Variants in NRXN1 observed in about 807,000 individuals in gnomAD.
NRXN1 encodes the protein neurexin 1.
Under a neutral mutation model 150.9 loss-of-function variants are expected in NRXN1, and 39 were observed. The observed-to-expected ratio is 0.26, with a 90% CI of 0.20 to 0.34. The LOEUF is 0.34. Among genes scored for constraint, NRXN1 ranks in the 10% least tolerant of loss-of-function variants. The probability of loss-of-function intolerance (pLI) is 1.00; values close to 1 mark genes in which losing one functional copy is unlikely to be tolerated. For missense variants in NRXN1, 1,815 were observed against 1,949.9 expected (o/e 0.93, Z 1.30); for synonymous variants, 924 against 757.0 (o/e 1.22, Z -3.62).
intron 18 of NRXN1, among the ~76,000 whole-genome samples, chr2:50,179,508 C>T (rs1051151277): frequency 2.6e-5 from 4 of 152,040 alleles, no homozygotes; most frequent in African/African-American, 9.7e-5. Context: ...CATTTTTCCC[C>T]ATCCCTTCTC....
intron 5 of NRXN1, among the ~76,000 whole-genome samples, chr2:50,693,541 C>G (rs1450716420): frequency 6.6e-6 from 1 of 152,000 alleles, no homozygotes; most frequent in Non-Finnish European, 1.5e-5. Flanking sequence ...AATGTGAGAC[C>G]ACAAATGCAA....
intron 12 of NRXN1, among the ~76,000 whole-genome samples, chr2:50,514,994 C>G (rs184961291): frequency 6.6e-6 from 1 of 152,150 alleles, no homozygotes; most frequent in Admixed American, 6.5e-5. Context: ...TCCCCACCCC[C>G]CAGGCCACAG....
At chr2:50,538,147 T>G (rs1034819923) in intron 10 of NRXN1, 106 bp downstream of exon 10, 1 of 1,290,712 alleles carries the variant, frequency 7.7e-7, no homozygotes, top group East Asian at 2.4e-5. Flanking sequence ...CAGAGTTTAC[T>G]TCAGTAGAGT....
chr2:50,478,000 C>G (rs925413257), intron 15 of NRXN1, among the ~76,000 whole-genome samples: 1 of 152,052 alleles, frequency 6.6e-6, no homozygotes, highest in African/African-American at 2.4e-5. Flanking sequence ...GGGTGCCTTT[C>G]GGGGAACAAT....
intron 5 of NRXN1, among the ~76,000 whole-genome samples, chr2:50,745,743 G>C (rs909853104): frequency 2.0e-5 from 3 of 152,060 alleles, no homozygotes; most frequent in Non-Finnish European, 4.4e-5. Context: ...ACCGATTAAA[G>C]GGGGAAGCCC....
chr2:50,586,445 A>G (rs2103730522), intron 8 of NRXN1, among the ~76,000 whole-genome samples: 1 of 152,280 alleles, frequency 6.6e-6, no homozygotes, highest in South Asian at 2.1e-4. Context: ...CTATAAAGGT[A>G]GGAGTCATTT....
chr2:50,439,816 CAA>C (rs57765606), intron 17 of NRXN1, among the ~76,000 whole-genome samples: 35,991 of 125,936 alleles, frequency 0.29, 4,544 homozygotes, highest in East Asian at 0.37. Context: ...GACTCTGTCT[CAA>C]AAAAAAAAAA....
intron 16 of NRXN1, among the ~76,000 whole-genome samples, chr2:50,471,778 C>G (rs62135005): frequency 6.6e-6 from 1 of 151,392 alleles, no homozygotes; most frequent in Non-Finnish European, 1.5e-5. Context: ...ATAACTAATG[C>G]GTACTAGGCT....
chr2:50,778,296 T>TA (rs1406120800), intron 5 of NRXN1, among the ~76,000 whole-genome samples: 1 of 152,124 alleles, frequency 6.6e-6, no homozygotes, highest in Non-Finnish European at 1.5e-5. Context: ...AGGCAGAAAG[T>TA]AAAGAGATCA....
chr2:50,195,248 C>T (rs915526365), intron 18 of NRXN1, among the ~76,000 whole-genome samples: 7 of 152,104 alleles, frequency 4.6e-5, no homozygotes, highest in East Asian at 1.9e-4. Context: ...TGCTTGGGTC[C>T]AAGCGAACCT....
chr2:50,050,973 T>A (rs1331711069), intron 21 of NRXN1, among the ~76,000 whole-genome samples: 1 of 152,038 alleles, frequency 6.6e-6, no homozygotes, highest in Non-Finnish European at 1.5e-5. Flanking sequence ...ATTTTAAATA[T>A]CTATTTTTAA....
At chr2:51,009,848 G>A (rs1159436376) in intron 2 of NRXN1, among the ~76,000 whole-genome samples, 1 of 151,724 alleles carries the variant, frequency 6.6e-6, no homozygotes, top group Non-Finnish European at 1.5e-5. Flanking sequence ...ATCTGGTTCT[G>A]GACCCTGCAT....
At chr2:50,817,798 A>T (rs928583975) in intron 5 of NRXN1, among the ~76,000 whole-genome samples, 14 of 152,048 alleles carry the variant, frequency 9.2e-5, no homozygotes, top group African/African-American at 3.4e-4. Context: ...TACTAAATTC[A>T]ACCCCTTTTC....
At chr2:50,976,704 G>A (rs1005817046) in intron 2 of NRXN1, among the ~76,000 whole-genome samples, 1 of 151,796 alleles carries the variant, frequency 6.6e-6, no homozygotes, top group East Asian at 1.9e-4. Flanking sequence ...TCAGTAAGAT[G>A]AAAATTGAGC....
chr2:50,635,711 G>T (rs916717151), intron 5 of NRXN1, among the ~76,000 whole-genome samples: 1 of 152,136 alleles, frequency 6.6e-6, no homozygotes, highest in African/African-American at 2.4e-5. Flanking sequence ...GTTTTACAGA[G>T]CCTATGCCTT....
At chr2:51,024,452 C>T (rs112810233) in intron 2 of NRXN1, among the ~76,000 whole-genome samples, 1 of 152,052 alleles carries the variant, frequency 6.6e-6, no homozygotes, top group African/African-American at 2.4e-5. Flanking sequence ...AGAAAAAGGG[C>T]TTGGGAACAA....
intron 17 of NRXN1, among the ~76,000 whole-genome samples, chr2:50,294,735 G>A (rs2073361454): frequency 6.6e-6 from 1 of 152,184 alleles, no homozygotes; most frequent in South Asian, 2.1e-4. Flanking sequence ...CATGTTGTTT[G>A]ATGAGTAAAA....
At chr2:50,459,738 A>C (rs1468065760) in intron 17 of NRXN1, among the ~76,000 whole-genome samples, 1 of 151,982 alleles carries the variant, frequency 6.6e-6, no homozygotes, top group African/African-American at 2.4e-5. Flanking sequence ...ATTTGTACTT[A>C]TTTGGTATTG....
At chr2:50,119,260 A>C (rs543005610) in intron 18 of NRXN1, among the ~76,000 whole-genome samples, 1 of 152,272 alleles carries the variant, frequency 6.6e-6, no homozygotes, top group Non-Finnish European at 1.5e-5. Context: ...AATCTTTTAA[A>C]AATAATTTTA....
Sources: allele counts gnomAD v4.1 joint callset (sites outside exome capture counted in the v4.1 genomes callset), GRCh38; gene constraint gnomAD v4.1.1; transcripts MANE v1.5; gene names NCBI Gene and HGNC (gene_info 2026-07-23, HGNC 2026-07-21).